The following DLG2 variants were observed in gnomAD, a reference collection of about 807,000 sequenced individuals.
DLG2 encodes discs large MAGUK scaffold protein 2, also known as disks large homolog 2.
A neutral mutation model predicts 132.5 loss-of-function variants in DLG2; 45 were observed. That is an observed-to-expected ratio of 0.34 (90% confidence interval 0.27 to 0.44). DLG2 has a LOEUF of 0.44. Among genes scored for constraint, DLG2 ranks in the 20% least tolerant of loss-of-function variants. DLG2 has a pLI of 1.00. For synonymous variants in DLG2, 424 were observed against 419.6 expected (o/e 1.01, Z -0.13); for missense variants, 1,045 against 1,196.9 (o/e 0.87, Z 1.87).
At chr11:84,313,440 G>A (rs1019195050) in intron 7 of DLG2, among the ~76,000 whole-genome samples, 2 of 151,120 alleles carry the variant, frequency 1.3e-5, no homozygotes, top group Non-Finnish European at 2.9e-5. Context: ...ATACACACAA[G>A]GCCTGACAGA....
chr11:84,372,338 C>T (rs1041173291), intron 7 of DLG2, among the ~76,000 whole-genome samples: 1 of 152,060 alleles, frequency 6.6e-6, no homozygotes. Context: ...TTATACACAA[C>T]AAAGAAAGAC....
chr11:85,159,357 T>C (rs1484508160), intron 4 of DLG2, among the ~76,000 whole-genome samples: 1 of 152,146 alleles, frequency 6.6e-6, no homozygotes, highest in Non-Finnish European at 1.5e-5. Flanking sequence ...CCACATTGGC[T>C]CCATGACTGG....
intron 6 of DLG2, among the ~76,000 whole-genome samples, chr11:85,110,937 G>A (rs555156): frequency 0.66 from 99,690 of 151,964 alleles, 33,546 homozygotes; most frequent in East Asian, 0.95. Flanking sequence ...TACAGTACAC[G>A]TAATTCCAAG....
At chr11:85,210,045 C>G (rs1306885355) in intron 4 of DLG2, among the ~76,000 whole-genome samples, 1 of 152,144 alleles carries the variant, frequency 6.6e-6, no homozygotes, top group Non-Finnish European at 1.5e-5. Context: ...TTTCTGCCCA[C>G]TCACCATTTC....
At chr11:83,499,895 A>ATACATCTATC (rs1555113436) in intron 21 of DLG2, among the ~76,000 whole-genome samples, 31 of 114,542 alleles carry the variant, frequency 2.7e-4, no homozygotes, top group African/African-American at 1.0e-3. Context: ...ATATATATAT[A>ATACATCTATC]TATCAGTTCT....
At chr11:84,446,757 T>A (rs962293394) in intron 7 of DLG2, among the ~76,000 whole-genome samples, 1 of 152,126 alleles carries the variant, frequency 6.6e-6, no homozygotes, top group African/African-American at 2.4e-5. Flanking sequence ...TATGCAACAG[T>A]CTCAGTTTCA....
intron 7 of DLG2, among the ~76,000 whole-genome samples, chr11:84,294,415 T>C (rs966374557): frequency 6.6e-6 from 1 of 152,088 alleles, no homozygotes. Flanking sequence ...CTGACCAACA[T>C]GGTGAAACCC....
At position 85,590,535 on chromosome 11, in the gene DLG2, T is replaced by C. The variant is rs183285484; in HGVS notation, c.40+8122A>G. On this transcript the variant is annotated intron_variant, in intron 3 of 27. Coordinates refer to ENST00000376104, the MANE Select transcript of DLG2 (RefSeq NM_001142699.3). ...ATTAGTTCCACAGTTCAGTAAAACA[T>C]ATTCTATATTGAAAAATTTTTTTAG... Among the ~76,000 whole-genome samples, 370 of 152,240 alleles carry C rather than the reference T, an allele frequency of 2.4e-3. 2 individuals carry two copies. The highest frequency in any genetic ancestry group is 6.8e-3 in the Middle Eastern group (2 of 294).
At chr11:84,014,368 T>C (rs1008712757) in intron 11 of DLG2, among the ~76,000 whole-genome samples, 4 of 152,330 alleles carry the variant, frequency 2.6e-5, no homozygotes, top group Admixed American at 1.3e-4. Context: ...TTTCCCAATG[T>C]CTTTTATTAT....
intron 11 of DLG2, among the ~76,000 whole-genome samples, chr11:83,999,436 C>G (rs2094219606): frequency 6.6e-6 from 1 of 152,088 alleles, no homozygotes; most frequent in Admixed American, 6.5e-5. Flanking sequence ...GGTTGTCCTA[C>G]CACTATCACT....
At chr11:85,082,619 C>A (rs1363520331) in intron 6 of DLG2, among the ~76,000 whole-genome samples, 1 of 149,128 alleles carries the variant, frequency 6.7e-6, no homozygotes, top group Non-Finnish European at 1.5e-5. Flanking sequence ...CACTTGGTAA[C>A]AAAGACAGCA....
At chr11:84,297,253 T>G (rs986635851) in intron 7 of DLG2, among the ~76,000 whole-genome samples, 7 of 151,802 alleles carry the variant, frequency 4.6e-5, no homozygotes, top group African/African-American at 1.5e-4. Flanking sequence ...AGAACAAGGG[T>G]AGTGAGTGAG....
At chr11:83,643,650 A>C (rs1001439336) in intron 18 of DLG2, 1 of 152,176 alleles carries the variant, frequency 6.6e-6, no homozygotes, top group African/African-American at 2.4e-5. Context: ...GACGCCATCC[A>C]TGCAAAATGT....
At chr11:84,022,425 G>A (rs975319196) in intron 11 of DLG2, among the ~76,000 whole-genome samples, 1 of 152,172 alleles carries the variant, frequency 6.6e-6, no homozygotes, top group Non-Finnish European at 1.5e-5. Context: ...TGTGCTGGGT[G>A]AGCAGAAACA....
At chr11:84,589,524 T>G (rs573433986) in intron 6 of DLG2, among the ~76,000 whole-genome samples, 1 of 152,088 alleles carries the variant, frequency 6.6e-6, no homozygotes, top group Non-Finnish European at 1.5e-5. Context: ...AAATCCCTTA[T>G]AACTAGAAGT....
intron 6 of DLG2, among the ~76,000 whole-genome samples, chr11:84,844,133 G>GTA (rs1367735607): frequency 1.8e-3 from 46 of 26,018 alleles, no homozygotes; most frequent in East Asian, 8.0e-3. Context: ...GTGTGTGTGT[G>GTA]TGTATATATA....
At position 84,584,760 on chromosome 11, in the gene DLG2, C is replaced by G. The variant is rs992052666; in HGVS notation, c.358-50029G>C. 3.8e-5 allele frequency among the ~76,000 whole-genome samples: 5 copies of G among 130,370 alleles called. No individual in the cohort carries two copies. The East Asian group carries it at 7.5e-4, about 20-fold the overall frequency. The allele number at this position is 130,370 out of a possible 152,430, so 85.5% of individuals were successfully genotyped here. A position where few individuals can be genotyped will look rare whatever the true frequency, so the allele number is the denominator to read the frequency against. On this transcript the variant is annotated intron_variant, in intron 6 of 27. Coordinates refer to ENST00000376104, the MANE Select transcript of DLG2 (RefSeq NM_001142699.3). ...CTGGAGTGCAGTGGCGGGATCTGGG[C>G]TCACTGCAAGCTCTGCCTCCCGGGT...
In DLG2 at chr11:84,729,783, C is replaced by A. The variant is rs796715782; in HGVS notation, c.358-195052G>T. 5.5e-4 allele frequency among the ~76,000 whole-genome samples: 84 copies of A among 152,060 alleles called. 2 individuals are homozygous for A. Among genetic ancestry groups the A allele is most frequent in the African/African-American group, 1.8e-3 (76 of 41,502 alleles). On this transcript the variant is annotated intron_variant, in intron 6 of 27. Coordinates refer to ENST00000376104, the MANE Select transcript of DLG2 (RefSeq NM_001142699.3). Reference sequence around the variant, plus strand: ...GAACCAATAAATAAGTGATCTTGGCCAGGCTTTCCACTGCTTCCACCTAGG... The same window carrying A: ...GAACCAATAAATAAGTGATCTTGGCAAGGCTTTCCACTGCTTCCACCTAGG...
At chr11:85,464,566 A>G (rs1207744574) in intron 3 of DLG2, among the ~76,000 whole-genome samples, 1 of 152,102 alleles carries the variant, frequency 6.6e-6, no homozygotes, top group Non-Finnish European at 1.5e-5. Flanking sequence ...CAAAAAAACA[A>G]TCTTAGGTAC....
Sources: gnomAD v4.1 joint callset for allele counts (sites outside exome capture counted in the v4.1 genomes callset) on GRCh38, gnomAD v4.1.1 for gene constraint, MANE v1.5 for transcripts, NCBI Gene and HGNC (gene_info 2026-07-23, HGNC 2026-07-21) for gene names.